REC114: variants seen among roughly 807,000 people sequenced by gnomAD.
REC114 encodes the protein meiotic recombination protein REC114.
REC114 carries 27 observed loss-of-function variants against 31.3 expected under a neutral mutation model. That is an observed-to-expected ratio of 0.86 (90% CI 0.64 to 1.19). The LOEUF (loss-of-function observed/expected upper bound fraction) is 1.19. Among genes scored for constraint, REC114 ranks in the 50% most tolerant of loss-of-function variants. REC114 has a pLI of 0.00. For missense variants in REC114, 344 were observed against 326.9 expected, an observed-to-expected ratio of 1.05 and a Z score of -0.40; for synonymous variants, 134 against 127.7, an observed-to-expected ratio of 1.05 and a Z score of -0.33.
chr15:73,539,595 T>C lies in REC114; in HGVS notation c.250-890T>C, dbSNP rs115672448. 5.5e-3 allele frequency among the ~76,000 whole-genome samples: 841 copies of C among 151,626 alleles called. 6 individuals carry two copies. The highest frequency in any genetic ancestry group is 0.019 in the African/African-American group (801 of 41,268). The stretch of plus-strand genomic sequence containing the variant: ...CAGAGGGATTTTGTGAGGGTTCAAA[T>C]GGATAAGGGACTACATTTTCTTCTG... On this transcript the variant is annotated intron_variant, in intron 2 of 5. Coordinates refer to ENST00000331090, the MANE Select transcript of REC114 (RefSeq NM_001042367.2).
chr15:73,553,404 G>T (rs556887770), intron 4 of REC114, among the ~76,000 whole-genome samples: 2 of 152,062 alleles, frequency 1.3e-5, no homozygotes, highest in Non-Finnish European at 2.9e-5. Context: ...AAATGGGTTG[G>T]TTGTTATAAG....
At chr15:73,533,505 C>A (rs1353522100) in intron 2 of REC114, among the ~76,000 whole-genome samples, 5 of 151,430 alleles carry the variant, frequency 3.3e-5, no homozygotes, top group Non-Finnish European at 4.4e-5. Context: ...AATATATATG[C>A]ACCCAATACA....
At chr15:73,487,979 A>G (rs1469900745) in intron 2 of REC114, among the ~76,000 whole-genome samples, 1 of 152,160 alleles carries the variant, frequency 6.6e-6, no homozygotes, top group East Asian at 1.9e-4. Context: ...AATTAGCACC[A>G]TGTGGATGCT....
At chr15:73,539,282 ATTTTTTTTTTTTTTT>A (rs753968018) in intron 2 of REC114, among the ~76,000 whole-genome samples, 7 of 70,814 alleles carry the variant, frequency 9.9e-5, no homozygotes, top group Non-Finnish European at 1.2e-4. Context: ...TTCAGAACTG[ATTTTTTTTTTTTTTT>A]TTTTTTTTTT....
rs898920674 is a variant in REC114, at chr15:73,498,562, T to C, written c.249+24641T>C. Among the ~76,000 whole-genome samples, 6 of 152,036 alleles carry C rather than the reference T, an allele frequency of 3.9e-5. No individual in the cohort carries two copies. In the East Asian group the frequency reaches 1.2e-3, roughly 29 times the overall value. ...AGTTATCAGTGATGGGAACAGGGAG[T>C]AGAAATAGCAGTATTTGAACTTCAA... On this transcript the variant is annotated intron_variant, in intron 2 of 5. Transcript: ENST00000331090.
intron 2 of REC114, among the ~76,000 whole-genome samples, chr15:73,528,269 C>A (rs898238022): frequency 6.6e-6 from 1 of 152,122 alleles, no homozygotes; most frequent in Admixed American, 6.5e-5. Flanking sequence ...TTAAAAATTA[C>A]CATTTTGCAA....
At chr15:73,556,786 C>A (rs1390967376) in intron 5 of REC114, among the ~76,000 whole-genome samples, 1 of 152,146 alleles carries the variant, frequency 6.6e-6, no homozygotes, top group Non-Finnish European at 1.5e-5. Context: ...GGATTCAGAT[C>A]TACAACAATT....
intron 1 of REC114, among the ~76,000 whole-genome samples, chr15:73,469,229 T>A (rs1893101599): frequency 6.6e-6 from 1 of 152,190 alleles, no homozygotes; most frequent in African/African-American, 2.4e-5. Flanking sequence ...TGTGAACTTG[T>A]CTGTTTCCCC....
intron 2 of REC114, among the ~76,000 whole-genome samples, chr15:73,536,844 C>A (rs1894162882): frequency 6.6e-6 from 1 of 152,136 alleles, no homozygotes; most frequent in African/African-American, 2.4e-5. Flanking sequence ...CTGGTCCTGG[C>A]ATGAAATAGT....
chr15:73,527,890 A>G (rs1029564409), intron 2 of REC114, among the ~76,000 whole-genome samples: 30 of 151,636 alleles, frequency 2.0e-4, no homozygotes, highest in East Asian at 3.9e-4. Context: ...TACGGGGGGG[A>G]AAAAAAGGCA....
chr15:73,552,112 G>A (rs975154630), intron 4 of REC114, among the ~76,000 whole-genome samples: 1 of 152,166 alleles, frequency 6.6e-6, no homozygotes, highest in Non-Finnish European at 1.5e-5. Context: ...CTAAAAGATT[G>A]TAATATAACA....
intron 1 of REC114, among the ~76,000 whole-genome samples, chr15:73,470,298 T>C (rs566655935): frequency 1.6e-4 from 24 of 152,328 alleles, no homozygotes; most frequent in African/African-American, 5.5e-4. Context: ...TTTAAAGATA[T>C]TTAGGTAAAA....
At chr15:73,547,028 A>T (rs1479566593) in intron 3 of REC114, among the ~76,000 whole-genome samples, 1 of 152,152 alleles carries the variant, frequency 6.6e-6, no homozygotes, top group African/African-American at 2.4e-5. Context: ...GTAATACCCC[A>T]CAAGTGTAGA....
chr15:73,482,894 ATTTT>A (rs199807391), intron 2 of REC114, among the ~76,000 whole-genome samples: 1 of 139,728 alleles, frequency 7.2e-6, no homozygotes, highest in Admixed American at 7.1e-5. Flanking sequence ...TCTATTTTTG[ATTTT>A]TTTTTTTTTT....
chr15:73,541,193 A>G (rs1208202876), intron 3 of REC114, among the ~76,000 whole-genome samples: 1 of 152,212 alleles, frequency 6.6e-6, no homozygotes, highest in Non-Finnish European at 1.5e-5. Context: ...CACAGACCCC[A>G]GAGTCTCCAT....
chr15:73,526,667 TTTTCTGCTAATTTTATCATCTCTTAAA>T (rs1894012911), intron 2 of REC114, among the ~76,000 whole-genome samples: 1 of 152,194 alleles, frequency 6.6e-6, no homozygotes, highest in South Asian at 2.1e-4. Flanking sequence ...TTCAATACCC[TTTTCTGCTAATTTTATCATCTCTTAAA>T]TTTCTGAGTT....
chr15:73,556,711 G>A (rs1894473778), intron 5 of REC114, among the ~76,000 whole-genome samples: 1 of 152,100 alleles, frequency 6.6e-6, no homozygotes, highest in Admixed American at 6.5e-5. Context: ...ATAAATGGAG[G>A]ACTCCATTGT....
At chr15:73,472,656 C>T (rs1206132658) in intron 1 of REC114, among the ~76,000 whole-genome samples, 1 of 152,018 alleles carries the variant, frequency 6.6e-6, no homozygotes, top group Non-Finnish European at 1.5e-5. Context: ...ATATGAAAGC[C>T]ACCTATATAG....
At chr15:73,484,591 T>C (rs7176933) in intron 2 of REC114, among the ~76,000 whole-genome samples, 3,663 of 152,316 alleles carry the variant, frequency 0.024, 165 homozygotes, top group African/African-American at 0.083. Flanking sequence ...TTTGTCAGCA[T>C]CTTCCTTCTC....
Sources: gnomAD v4.1 joint callset for allele counts (sites outside exome capture counted in the v4.1 genomes callset) on GRCh38, gnomAD v4.1.1 for gene constraint, MANE v1.5 for transcripts, NCBI Gene and HGNC (gene_info 2026-07-23, HGNC 2026-07-21) for gene names.